The following PRKRIP1 variants were observed in gnomAD, a reference collection of about 807,000 sequenced individuals.
The protein encoded by PRKRIP1 is PRKR interacting protein 1.
PRKRIP1 carries 29 observed loss-of-function variants against 29.3 expected under a neutral mutation model. The observed-to-expected ratio is 0.99, with a 90% confidence interval of 0.74 to 1.35. The LOEUF (loss-of-function observed/expected upper bound fraction) is 1.35, where lower values mean the gene tolerates loss of function less well. Among genes scored for constraint, PRKRIP1 ranks in the 40% most tolerant of loss-of-function variants. PRKRIP1 has a pLI of 0.00. For missense variants in PRKRIP1, 247 were observed against 236.8 expected, an observed-to-expected ratio of 1.04 and a Z score of -0.28; for synonymous variants, 90 against 85.1, an observed-to-expected ratio of 1.06 and a Z score of -0.32.
intron 5 of PRKRIP1, among the ~76,000 whole-genome samples, chr7:102,410,202 G>A (rs1796343885): frequency 6.6e-6 from 1 of 152,148 alleles, no homozygotes; most frequent in African/African-American, 2.4e-5. Context: ...CGAGCGGTCA[G>A]GGCCTTGGCT....
Position 102,408,972 on chromosome 7 carries a change from G to A in PRKRIP1, c.457+1474G>A, listed in dbSNP as rs560751327. 4.6e-5 allele frequency among the ~76,000 whole-genome samples: 7 copies of A among 152,286 alleles called. No homozygotes were observed. In the South Asian group the frequency reaches 1.0e-3, roughly 23 times the overall value. On this transcript the variant is annotated intron_variant, in intron 5 of 5. Coordinates refer to ENST00000397912, the MANE Select transcript of PRKRIP1 (RefSeq NM_024653.4). ...GTGGATCACCTGAGGTCAAGAGTTC[G>A]AGACCAGCCTGGCCAACGTGGTGAA...
chr7:102,396,383 C>A lies in PRKRIP1; in HGVS notation c.-29C>A, dbSNP rs199724849. The A allele has an allele frequency of 2.6e-5, 39 of 1,508,950 alleles. No homozygotes were observed. The highest frequency in any genetic ancestry group is 4.3e-5 in the African/African-American group (3 of 70,458). 93.5% of individuals were successfully genotyped at this position (1,508,950 alleles called of 1,614,324 possible). ...TCGTCATACTTGCGCGCCGACGCCG[C>A]CGCTCGCTTGTGAAACTGGAAGGCT... On this transcript the variant is annotated 5_prime_UTR_variant, in exon 1 of 6. Transcript: ENST00000397912.
At chr7:102,404,479 G>A (rs940180480) in intron 3 of PRKRIP1, 119 bp from the exon 4 acceptor site, 19 of 760,824 alleles carry the variant, frequency 2.5e-5, no homozygotes, top group Non-Finnish European at 4.0e-5. Flanking sequence ...GGGGACCCGG[G>A]TAGTGCCTCC....
chr7:102,397,530 A>T, intron 1 of PRKRIP1, 90 bp from the exon 2 acceptor site: 1 of 1,065,488 alleles, frequency 9.4e-7, no homozygotes, highest in Middle Eastern at 2.0e-4. Flanking sequence ...TGAGGAACAG[A>T]GCAAGAACCT....
intron 5 of PRKRIP1, among the ~76,000 whole-genome samples, chr7:102,410,275 C>G (rs1413352716): frequency 6.6e-6 from 1 of 152,158 alleles, no homozygotes; most frequent in Non-Finnish European, 1.5e-5. Context: ...TCCTTTTAAG[C>G]TTTTTGGTCA....
chr7:102,400,318 G>GA lies in PRKRIP1; in HGVS notation c.306+680dup, dbSNP rs565602035. Among the ~76,000 whole-genome samples, 52 of 147,152 alleles carry GA rather than the reference G, an allele frequency of 3.5e-4. No homozygotes were observed. In the South Asian group the frequency reaches 5.4e-3, roughly 15 times the overall value. ...GAGTGAAACTCCATCTCAAAAAAAG[G>GA]AAAAAAAAAATAACACCAAGAAATA... On this transcript the variant is annotated intron_variant, in intron 3 of 5. Coordinates refer to ENST00000397912, the MANE Select transcript of PRKRIP1 (RefSeq NM_024653.4).
intron 5 of PRKRIP1, 73 bp from the exon 6 acceptor site, chr7:102,424,941 C>T (rs1554574234): frequency 6.7e-7 from 1 of 1,487,806 alleles, no homozygotes; most frequent in East Asian, 2.3e-5. Context: ...TTCCCATCAG[C>T]TCTCCTCTTT....
chr7:102,410,243 G>A (rs531696900), intron 5 of PRKRIP1, among the ~76,000 whole-genome samples: 5 of 152,134 alleles, frequency 3.3e-5, no homozygotes, highest in Non-Finnish European at 7.4e-5. Context: ...CTGCTCTGGT[G>A]GCCCTCTAGA....
At chr7:102,418,503 A>G (rs1168670090) in intron 5 of PRKRIP1, among the ~76,000 whole-genome samples, 1 of 152,188 alleles carries the variant, frequency 6.6e-6, no homozygotes, top group Non-Finnish European at 1.5e-5. Flanking sequence ...ATATATGTAC[A>G]TATCTGTCAA....
At chr7:102,408,042 A>T (rs1216204121) in intron 5 of PRKRIP1, among the ~76,000 whole-genome samples, 1 of 152,156 alleles carries the variant, frequency 6.6e-6, no homozygotes, top group African/African-American at 2.4e-5. Context: ...TTTTTACAGG[A>T]TGAGAAATCT....
In PRKRIP1 at chr7:102,399,614, A is replaced by T. The variant is rs782266026; in HGVS notation, c.272A>T (p.Gln91Leu). ...AGACATCTGCGCCGGAGAGAATATC[A>T]GCGACAGGACTACATGGATGCCATG... Reference protein sequence around the residue: ...VYRHLRRREYQRQDYMDAMAE... With the variant: ...VYRHLRRREYLRQDYMDAMAE... Residue 91 changes from glutamine (Q) to leucine (L), a missense_variant, in exon 3 of 6, where the codon CAG becomes CTG. Around this residue, in one of 3 missense-constraint regions of PRKRIP1, gnomAD observed 134 missense variants for 126.6 expected, o/e 1.06. Coordinates refer to ENST00000397912, the MANE Select transcript of PRKRIP1 (RefSeq NM_024653.4). The T allele has an allele frequency of 6.2e-7, 1 of 1,614,038 alleles. No individual in the cohort carries two copies. The highest frequency in any genetic ancestry group is 1.1e-5 in the South Asian group (1 of 91,082).
intron 5 of PRKRIP1, among the ~76,000 whole-genome samples, chr7:102,417,863 C>T (rs1299102365): frequency 6.6e-6 from 1 of 151,810 alleles, no homozygotes; most frequent in Non-Finnish European, 1.5e-5. Flanking sequence ...TCAAGCAGTC[C>T]CCCTGCCTCA....
intron 5 of PRKRIP1, among the ~76,000 whole-genome samples, chr7:102,410,418 A>G (rs1217413447): frequency 6.6e-6 from 1 of 152,206 alleles, no homozygotes; most frequent in East Asian, 1.9e-4. Context: ...ATACTGAGTC[A>G]GAGCAACTAA....
At chr7:102,406,958 G>A (rs1358149018) in intron 4 of PRKRIP1, among the ~76,000 whole-genome samples, 19 of 151,918 alleles carry the variant, frequency 1.3e-4, no homozygotes, top group African/African-American at 4.1e-4. Context: ...GCTCACACCC[G>A]TAATCCCAGC....
intron 5 of PRKRIP1, among the ~76,000 whole-genome samples, chr7:102,415,855 G>A (rs1029245156): frequency 2.6e-5 from 4 of 152,252 alleles, no homozygotes; most frequent in Admixed American, 2.0e-4. Context: ...AGCAGCCCCA[G>A]TGTTCCTGGC....
intron 4 of PRKRIP1, among the ~76,000 whole-genome samples, chr7:102,405,433 A>C (rs1387281304): frequency 1.3e-5 from 2 of 152,154 alleles, no homozygotes; most frequent in African/African-American, 4.8e-5. Context: ...CTTGAAATGA[A>C]AAAGCATCTT....
At chr7:102,413,401 T>G (rs1586688323) in intron 5 of PRKRIP1, among the ~76,000 whole-genome samples, 1 of 152,300 alleles carries the variant, frequency 6.6e-6, no homozygotes, top group East Asian at 1.9e-4. Flanking sequence ...CCTTTGTGTC[T>G]TTGGAAAAAG....
intron 5 of PRKRIP1, chr7:102,423,338 A>C (rs1351345389): frequency 1.1e-5 from 4 of 364,142 alleles, no homozygotes; most frequent in African/African-American, 8.6e-5. Flanking sequence ...CTGGTCTCAA[A>C]CTCCTGACCT....
intron 3 of PRKRIP1, among the ~76,000 whole-genome samples, chr7:102,403,543 C>G (rs1405387): frequency 6.6e-6 from 1 of 152,224 alleles, no homozygotes; most frequent in Non-Finnish European, 1.5e-5. Flanking sequence ...GCCGCCTAGA[C>G]TGGTGTGCAG....
Sources: allele counts gnomAD v4.1 joint callset (sites outside exome capture counted in the v4.1 genomes callset), GRCh38; gene constraint gnomAD v4.1.1; regional missense constraint gnomAD v4.1.1; transcripts MANE v1.5; gene names NCBI Gene and HGNC (gene_info 2026-07-23, HGNC 2026-07-21).